Variants in SDK2 observed in about 807,000 individuals in gnomAD.
SDK2 encodes the protein sidekick cell adhesion molecule 2.
SDK2 carries 105 observed loss-of-function variants against 253.9 expected under a neutral mutation model. The ratio of observed to expected loss-of-function variants is 0.41; its 90% CI spans 0.35 to 0.49. SDK2 has a LOEUF of 0.49. SDK2 is among the 20% of genes least tolerant of loss of function. The probability of loss-of-function intolerance (pLI) is 0.06; values close to 1 mark genes in which losing one functional copy is unlikely to be tolerated. For missense variants in SDK2, 2,608 were observed against 3,003.0 expected (o/e 0.87, Z 3.07); for synonymous variants, 1,249 against 1,234.9 (o/e 1.01, Z -0.24).
chr17:73,418,252 C>A (rs373639597), intron 16 of SDK2, among the ~76,000 whole-genome samples: 3 of 152,144 alleles, frequency 2.0e-5, no homozygotes, highest in African/African-American at 4.8e-5. Context: ...GTGATCCACC[C>A]GCCTTGGCCT....
chr17:73,553,176 G>A (rs1265992987), intron 1 of SDK2, among the ~76,000 whole-genome samples: 1 of 152,208 alleles, frequency 6.6e-6, no homozygotes, highest in Admixed American at 6.5e-5. Context: ...AGCACCTTCT[G>A]GGGTGTGTGT....
At chr17:73,404,043 T>C (rs569767497) in intron 18 of SDK2, among the ~76,000 whole-genome samples, 4 of 152,178 alleles carry the variant, frequency 2.6e-5, no homozygotes, top group Admixed American at 2.6e-4. Context: ...CCATTTTTTT[T>C]AAATAAAGGA....
chr17:73,625,665 G>C (rs191783038), intron 1 of SDK2, among the ~76,000 whole-genome samples: 17 of 151,708 alleles, frequency 1.1e-4, no homozygotes, highest in African/African-American at 4.1e-4. Flanking sequence ...CTTTTTTTGA[G>C]AGAGAGTCTC....
intron 14 of SDK2, among the ~76,000 whole-genome samples, chr17:73,422,921 T>C (rs964701055): frequency 6.6e-6 from 1 of 152,024 alleles, no homozygotes; most frequent in East Asian, 1.9e-4. Flanking sequence ...CTTCGGAGGC[T>C]GAGACAGGAG....
At chr17:73,433,962 T>G in intron 9 of SDK2, 114 bp from the exon 10 acceptor site, 1 of 666,996 alleles carries the variant, frequency 1.5e-6, no homozygotes, top group Non-Finnish European at 2.6e-6. Flanking sequence ...CCCCCTGCCA[T>G]GGTGAGGGGC....
At position 73,552,486 on chromosome 17, in the gene SDK2, G is replaced by A. The variant is rs117000834; in HGVS notation, c.65-44889C>T. The stretch of plus-strand genomic sequence containing the variant: ...AGGGGACCCTCCTGAGGGGGTGGCC[G>A]TCCACATTGCCAGCTGATGGCCGAG... On this transcript the variant is annotated intron_variant, in intron 1 of 44. Transcript: ENST00000392650. Among the ~76,000 whole-genome samples, 51 of 152,298 alleles carry A rather than the reference G, an allele frequency of 3.3e-4. No homozygotes were observed. The East Asian group carries it at 8.5e-3, about 25-fold the overall frequency.
At chr17:73,539,910 T>A (rs2044838658) in intron 1 of SDK2, among the ~76,000 whole-genome samples, 1 of 150,422 alleles carries the variant, frequency 6.6e-6, no homozygotes, top group South Asian at 2.1e-4. Flanking sequence ...AGAGACGGGG[T>A]CATGCAGCTG....
At chr17:73,561,387 AC>A (rs1253477808) in intron 1 of SDK2, among the ~76,000 whole-genome samples, 7 of 152,178 alleles carry the variant, frequency 4.6e-5, no homozygotes, top group Non-Finnish European at 1.0e-4. Context: ...GGGAGAGAAG[AC>A]GTCAGCACAG....
At chr17:73,497,677 C>T (rs955888518) in intron 2 of SDK2, among the ~76,000 whole-genome samples, 28 of 151,956 alleles carry the variant, frequency 1.8e-4, no homozygotes, top group South Asian at 6.3e-4. Flanking sequence ...ATGGCCCAGC[C>T]GCCCCTCGCA....
intron 1 of SDK2, among the ~76,000 whole-genome samples, chr17:73,557,251 C>T (rs1008846988): frequency 1.3e-5 from 2 of 152,162 alleles, no homozygotes; most frequent in African/African-American, 4.8e-5. Context: ...AGTGAACAAG[C>T]TCGACCTTGC....
At chr17:73,522,212 T>C (rs1018614310) in intron 1 of SDK2, among the ~76,000 whole-genome samples, 1 of 152,216 alleles carries the variant, frequency 6.6e-6, no homozygotes, top group Admixed American at 6.5e-5. Context: ...GGGCTTTGCT[T>C]TGGCGGAGCT....
chr17:73,505,883 G>A (rs1409448668), intron 2 of SDK2, among the ~76,000 whole-genome samples: 1 of 152,236 alleles, frequency 6.6e-6, no homozygotes, highest in Non-Finnish European at 1.5e-5. Context: ...AGGGCTGACT[G>A]TTTTCAAAGG....
chr17:73,495,176 T>G (rs538313026), intron 2 of SDK2, among the ~76,000 whole-genome samples: 1 of 152,196 alleles, frequency 6.6e-6, no homozygotes, highest in East Asian at 1.9e-4. Context: ...TACCCCTTCC[T>G]TCCATGCCAG....
chr17:73,631,240 G>A (rs1286774033), intron 1 of SDK2, among the ~76,000 whole-genome samples: 1 of 152,216 alleles, frequency 6.6e-6, no homozygotes, highest in African/African-American at 2.4e-5. Flanking sequence ...CTCCTTGGCA[G>A]CCCAGGCCCC....
At chr17:73,517,427 A>T (rs1275836285) in intron 1 of SDK2, 1 of 152,068 alleles carries the variant, frequency 6.6e-6, no homozygotes, top group Non-Finnish European at 1.5e-5. Flanking sequence ...AGGGAAAGAG[A>T]CACACAAGGA....
intron 12 of SDK2, among the ~76,000 whole-genome samples, chr17:73,426,249 TAG>T (rs1401593232): frequency 1.5e-5 from 2 of 134,288 alleles, no homozygotes; most frequent in African/African-American, 5.7e-5. Flanking sequence ...GTATTTTTAG[TAG>T]AGACGGGGCT....
Position 73,472,235 on chromosome 17 carries a change from A to G in SDK2, c.225-17T>C, listed in dbSNP as rs991386354. 9 of 1,541,682 alleles carry G rather than the reference A, an allele frequency of 5.8e-6. No homozygotes were observed. The highest frequency in any genetic ancestry group is 7.9e-6 in the Non-Finnish European group (9 of 1,138,026). On this transcript the variant is annotated splice_polypyrimidine_tract_variant and intron_variant, in intron 2 of 44. Coordinates refer to ENST00000392650, the MANE Select transcript of SDK2 (RefSeq NM_001144952.2). ...ATCATGTATCTATGGGACAGACGAG[A>G]CAGCCAGTGAGCAAGTCAGGCAGCT...
chr17:73,437,044 G>C (rs1279561610), intron 8 of SDK2, among the ~76,000 whole-genome samples: 1 of 152,080 alleles, frequency 6.6e-6, no homozygotes, highest in Non-Finnish European at 1.5e-5. Context: ...AAAAATATTT[G>C]CTGCCTGAAT....
At chr17:73,637,617 T>C (rs562838106) in intron 1 of SDK2, among the ~76,000 whole-genome samples, 1 of 152,190 alleles carries the variant, frequency 6.6e-6, no homozygotes, top group African/African-American at 2.4e-5. Flanking sequence ...GACCTCAGCC[T>C]GCCTGCCTCG....
Sources: gnomAD v4.1 joint callset for allele counts (sites outside exome capture counted in the v4.1 genomes callset) on GRCh38, gnomAD v4.1.1 for gene constraint, MANE v1.5 for transcripts, NCBI Gene and HGNC (gene_info 2026-07-23, HGNC 2026-07-21) for gene names.